Variants in CLSTN2 observed in about 807,000 individuals in gnomAD.
The protein encoded by CLSTN2 is calsyntenin-2.
Under a neutral mutation model 101.2 loss-of-function variants are expected in CLSTN2, and 48 were observed. The observed-to-expected ratio is 0.47, with a 90% confidence interval of 0.38 to 0.60. The LOEUF (loss-of-function observed/expected upper bound fraction) is 0.60. CLSTN2 is among the 20% of genes least tolerant of loss of function. CLSTN2 has a pLI of 0.00. For synonymous variants in CLSTN2, 481 were observed against 463.6 expected (o/e 1.04, Z -0.48); for missense variants, 1,160 against 1,238.2 (o/e 0.94, Z 0.95).
chr3:140,141,278 A>G (rs1302795334), intron 1 of CLSTN2, among the ~76,000 whole-genome samples: 4 of 152,128 alleles, frequency 2.6e-5, no homozygotes, highest in Non-Finnish European at 5.9e-5. Flanking sequence ...ACTGGGATGT[A>G]TACACTGATT....
intron 1 of CLSTN2, among the ~76,000 whole-genome samples, chr3:140,111,686 C>T (rs966549090): frequency 6.6e-6 from 1 of 152,060 alleles, no homozygotes; most frequent in Non-Finnish European, 1.5e-5. Context: ...CTGGGGCCTA[C>T]AAGAGGAGTA....
chr3:140,340,429 A>T (rs2087481557), intron 2 of CLSTN2, among the ~76,000 whole-genome samples: 1 of 152,228 alleles, frequency 6.6e-6, no homozygotes, highest in South Asian at 2.1e-4. Context: ...TACCCATAGA[A>T]TGATTGTATA....
chr3:140,331,458 A>G (rs1470002389), intron 2 of CLSTN2, among the ~76,000 whole-genome samples: 1 of 152,220 alleles, frequency 6.6e-6, no homozygotes, highest in Non-Finnish European at 1.5e-5. Context: ...TCAAGTTGAC[A>G]TCTGATATTA....
At chr3:140,490,622 C>T (rs944280215) in intron 8 of CLSTN2, among the ~76,000 whole-genome samples, 8 of 145,708 alleles carry the variant, frequency 5.5e-5, no homozygotes, top group Non-Finnish European at 1.1e-4. Context: ...AAAAACATGG[C>T]ACATCCACTG....
At chr3:140,221,830 A>C (rs921045045) in intron 2 of CLSTN2, among the ~76,000 whole-genome samples, 2 of 152,200 alleles carry the variant, frequency 1.3e-5, no homozygotes, top group Non-Finnish European at 2.9e-5. Context: ...AAGCCAAGCA[A>C]GGATGTGGAG....
chr3:140,135,138 AT>A (rs2009595087), intron 1 of CLSTN2, among the ~76,000 whole-genome samples: 2 of 120,088 alleles, frequency 1.7e-5, no homozygotes, highest in Admixed American at 7.7e-5. Flanking sequence ...ATATATATAT[AT>A]ATATATATAT....
chr3:140,564,092 T>A lies in CLSTN2; in HGVS notation c.2614T>A (p.Ser872Thr). The A allele has an allele frequency of 1.2e-6, 2 of 1,614,122 alleles. No homozygotes were observed. The highest frequency in any genetic ancestry group is 1.7e-6 in the Non-Finnish European group (2 of 1,180,004). The change falls in exon 16 of 17, where the codon TCT (serine) becomes ACT (threonine). Residue 872 changes from serine (S) to threonine (T), a missense_variant. Ser to Thr is a moderately conservative substitution (Grantham distance 58). Coordinates refer to ENST00000458420, the MANE Select transcript of CLSTN2 (RefSeq NM_022131.3). The stretch of plus-strand genomic sequence containing the variant: ...CCAGGAGACTGAGGCTGCCAAGGAA[T>A]CTGAGATGGACTGGGACGATTCTGC... ...FIQETEAAKE[S>T]EMDWDDSALT...
At chr3:140,145,727 C>T (rs1000546589) in intron 1 of CLSTN2, among the ~76,000 whole-genome samples, 15 of 152,214 alleles carry the variant, frequency 9.9e-5, no homozygotes, top group African/African-American at 3.1e-4. Flanking sequence ...ATGCTCTCCT[C>T]AGCCTTCTGC....
intron 8 of CLSTN2, among the ~76,000 whole-genome samples, chr3:140,530,288 A>G (rs1320107723): frequency 1.3e-5 from 2 of 152,238 alleles, no homozygotes; most frequent in African/African-American, 2.4e-5. Flanking sequence ...ATTCTTATGC[A>G]GTGTGATCCA....
chr3:140,344,414 T>TGC (rs895204438), intron 2 of CLSTN2, among the ~76,000 whole-genome samples: 5 of 152,168 alleles, frequency 3.3e-5, no homozygotes, highest in Non-Finnish European at 7.3e-5. Context: ...CACTCCAACA[T>TGC]CACGTTGCAT....
At chr3:140,262,829 G>A (rs1267806887) in intron 2 of CLSTN2, among the ~76,000 whole-genome samples, 1 of 152,120 alleles carries the variant, frequency 6.6e-6, no homozygotes, top group Non-Finnish European at 1.5e-5. Flanking sequence ...TTGACATTAT[G>A]AAGAATGGGG....
rs1188416897 is a variant in CLSTN2, at chr3:140,240,172, CTCTATATA to C, written c.232+64101_232+64108del. Among the ~76,000 whole-genome samples the C allele has an allele frequency of 7.1e-3, 98 of 13,774 alleles. 5 individuals carry two copies. In the East Asian group the frequency reaches 0.28, roughly 40 times the overall value. The allele number at this position is 13,774 out of a possible 152,430, so 9.0% of individuals were successfully genotyped here. ...TCTCTGTCTCTCTCTCTCTCTCTCTCTCTATATATATATATATATATATATATACACAC... is the reference window on the plus strand; with the variant it reads ...TCTCTGTCTCTCTCTCTCTCTCTCTCTATATATATATATATATATACACAC... On this transcript the variant is annotated intron_variant, in intron 2 of 16. Coordinates refer to ENST00000458420, the MANE Select transcript of CLSTN2 (RefSeq NM_022131.3).
At chr3:140,386,345 C>CCAGG (rs2088051408) in intron 2 of CLSTN2, among the ~76,000 whole-genome samples, 2 of 152,174 alleles carry the variant, frequency 1.3e-5, no homozygotes, top group Admixed American at 1.3e-4. Context: ...AACCCAAATG[C>CCAGG]CAGGGTCCAG....
At chr3:140,536,706 T>C (rs1042687445) in intron 9 of CLSTN2, among the ~76,000 whole-genome samples, 1 of 152,146 alleles carries the variant, frequency 6.6e-6, no homozygotes, top group Non-Finnish European at 1.5e-5. Flanking sequence ...AGAGGAAAAA[T>C]TCTTAAGATC....
chr3:140,304,241 G>C (rs1462125266), intron 2 of CLSTN2, among the ~76,000 whole-genome samples: 1 of 152,104 alleles, frequency 6.6e-6, no homozygotes, highest in Non-Finnish European at 1.5e-5. Context: ...TAAAATGCTG[G>C]GTTCAGTTAC....
intron 8 of CLSTN2, among the ~76,000 whole-genome samples, chr3:140,488,283 G>A (rs1460336181): frequency 6.6e-6 from 1 of 152,148 alleles, no homozygotes; most frequent in Non-Finnish European, 1.5e-5. Context: ...GTTCATTATG[G>A]AGCAGTCAAA....
intron 6 of CLSTN2, among the ~76,000 whole-genome samples, chr3:140,450,294 T>A (rs1403332377): frequency 6.6e-6 from 1 of 152,202 alleles, no homozygotes; most frequent in African/African-American, 2.4e-5. Flanking sequence ...TTTAGCTCAG[T>A]ATCCACTAAG....
chr3:140,386,619 GGT>G (rs2088054298), intron 2 of CLSTN2, among the ~76,000 whole-genome samples: 1 of 151,994 alleles, frequency 6.6e-6, no homozygotes, highest in African/African-American at 2.4e-5. Flanking sequence ...TCTCTCTCTG[GGT>G]GTGAGAACAA....
At chr3:140,406,294 A>G (rs922975265) in intron 4 of CLSTN2, among the ~76,000 whole-genome samples, 1 of 152,192 alleles carries the variant, frequency 6.6e-6, no homozygotes, top group African/African-American at 2.4e-5. Flanking sequence ...TGAAGGAGAC[A>G]CTCTCATCCC....
Sources: gnomAD v4.1 joint callset for allele counts (sites outside exome capture counted in the v4.1 genomes callset) on GRCh38, gnomAD v4.1.1 for gene constraint, MANE v1.5 for transcripts, NCBI Gene and HGNC (gene_info 2026-07-23, HGNC 2026-07-21) for gene names.